The following COL14A1 variants were observed in gnomAD, a reference collection of about 807,000 sequenced individuals.
COL14A1 encodes the protein collagen alpha-1(XIV) chain.
Under a neutral mutation model 230.3 loss-of-function variants are expected in COL14A1, and 136 were observed. That is an observed-to-expected ratio of 0.59 (90% CI 0.51 to 0.68). The LOEUF is 0.68. Among genes scored for constraint, COL14A1 ranks in the 30% least tolerant of loss-of-function variants. The probability of loss-of-function intolerance (pLI) is 0.00; values close to 1 mark genes in which losing one functional copy is unlikely to be tolerated. For synonymous variants in COL14A1, 792 were observed against 784.1 expected (o/e 1.01, Z -0.17); for missense variants, 1,976 against 2,215.8 (o/e 0.89, Z 2.17).
At chr8:120,353,889 GGGTATATACCCAAA>G (rs1822869807) in intron 45 of COL14A1, among the ~76,000 whole-genome samples, 1 of 151,318 alleles carries the variant, frequency 6.6e-6, no homozygotes, top group Non-Finnish European at 1.5e-5. Context: ...TCCCATTACT[GGGTATATACCCAAA>G]GGACTATAAA....
intron 22 of COL14A1, 56 bp from the exon 23 acceptor site, chr8:120,255,184 G>A: frequency 7.3e-7 from 1 of 1,367,068 alleles, no homozygotes; most frequent in Non-Finnish European, 1.0e-6. Flanking sequence ...TTCAGATTCA[G>A]GGATGCTTGT....
intron 2 of COL14A1, among the ~76,000 whole-genome samples, chr8:120,152,107 CTGTT>C (rs1324282719): frequency 2.0e-5 from 3 of 152,102 alleles, no homozygotes; most frequent in African/African-American, 7.2e-5. Context: ...TAGTACATGT[CTGTT>C]GTTTTAAGCC....
chr8:120,229,035 GGAT>G (rs1046251730), intron 18 of COL14A1, among the ~76,000 whole-genome samples: 4 of 151,124 alleles, frequency 2.6e-5, no homozygotes, highest in African/African-American at 9.7e-5. Flanking sequence ...ACCTTACCTG[GGAT>G]GTTAACGTAG....
intron 40 of COL14A1, among the ~76,000 whole-genome samples, chr8:120,327,321 C>A (rs971199807): frequency 3.0e-4 from 46 of 152,254 alleles, no homozygotes; most frequent in African/African-American, 9.9e-4. Flanking sequence ...CAACGACTAA[C>A]TGATTTGGTT....
At chr8:120,232,880 C>T (rs1818320636) in intron 19 of COL14A1, among the ~76,000 whole-genome samples, 4 of 152,152 alleles carry the variant, frequency 2.6e-5, no homozygotes, top group Admixed American at 2.6e-4. Context: ...ACAGTCTCAC[C>T]AACAGTGTAA....
At chr8:120,289,443 C>A (rs1166227532) in intron 33 of COL14A1, among the ~76,000 whole-genome samples, 165 bp from the exon 34 acceptor site, 1 of 152,082 alleles carries the variant, frequency 6.6e-6, no homozygotes, top group Non-Finnish European at 1.5e-5. Context: ...ATGGGAAAAT[C>A]ATGGAGATGA....
chr8:120,238,405 T>C (rs1269636362), intron 19 of COL14A1, among the ~76,000 whole-genome samples: 1 of 152,176 alleles, frequency 6.6e-6, no homozygotes, highest in East Asian at 1.9e-4. Flanking sequence ...TTGTTTACAC[T>C]GTGAGGGGAA....
chr8:120,278,156 C>T lies in COL14A1; in HGVS notation c.3259C>T (p.Leu1087=), dbSNP rs1212191081. The part of the protein sequence containing the change: ...FTDDPRTEFK[L]NAYKTKETLL... Reference sequence around the variant, plus strand: ...TGATGATCCCAGAACAGAATTTAAACTAAATGCTTACAAAACCAAAGAGAC... The same window carrying T: ...TGATGATCCCAGAACAGAATTTAAATTAAATGCTTACAAAACCAAAGAGAC... Residue 1087 remains leucine (L), a synonymous_variant, in exon 27 of 48, where the codon CTA becomes TTA. Coordinates refer to ENST00000297848, the MANE Select transcript of COL14A1 (RefSeq NM_021110.4). 21 of 1,611,628 alleles carry T rather than the reference C, an allele frequency of 1.3e-5. No individual in the cohort carries two copies. The highest frequency in any genetic ancestry group is 1.8e-5 in the Non-Finnish European group (21 of 1,178,826).
At chr8:120,144,244 C>T (rs1431536492) in intron 1 of COL14A1, among the ~76,000 whole-genome samples, 12 of 151,934 alleles carry the variant, frequency 7.9e-5, no homozygotes, top group South Asian at 2.1e-4. Flanking sequence ...TCATTATTAA[C>T]GGAATCTTAT....
Position 120,147,907 on chromosome 8 carries a change from T to G in COL14A1, c.65T>G (p.Phe22Cys). The G allele has an allele frequency of 3.7e-6, 6 of 1,613,850 alleles. No individual in the cohort carries two copies. The highest frequency in any genetic ancestry group is 4.2e-6 in the Non-Finnish European group (5 of 1,179,774). ...CCACCTTTTTTGGCAATTGTTTATT[T>G]CTGCACCATTGTCCAAGGTCAAGGT... is the stretch of plus-strand genomic sequence containing the variant. ...LLPPFLAIVY[F>C]CTIVQGQVAP... Residue 22 changes from phenylalanine to cysteine, a missense_variant, in exon 2 of 48, where the codon TTC (phenylalanine) becomes TGC (cysteine). Around this residue, in one of 3 missense-constraint regions of COL14A1, gnomAD observed 181 missense variants for 178.6 expected, o/e 1.01. Coordinates refer to ENST00000297848, the MANE Select transcript of COL14A1 (RefSeq NM_021110.4).
intron 26 of COL14A1, among the ~76,000 whole-genome samples, chr8:120,272,358 T>C (rs1432151876): frequency 6.6e-6 from 1 of 151,622 alleles, no homozygotes; most frequent in African/African-American, 2.4e-5. Context: ...AGCATAAAAC[T>C]CATAGGGCCT....
intron 19 of COL14A1, among the ~76,000 whole-genome samples, chr8:120,239,803 G>A (rs1818558259): frequency 1.3e-5 from 2 of 150,596 alleles, no homozygotes; most frequent in South Asian, 4.2e-4. Flanking sequence ...CAAGGTGAGA[G>A]GCTTTGTTTT....
intron 5 of COL14A1, among the ~76,000 whole-genome samples, chr8:120,192,150 T>C (rs1586752494): frequency 1.3e-5 from 2 of 152,354 alleles, no homozygotes; most frequent in East Asian, 3.9e-4. Context: ...TCAATGGTCT[T>C]TACATTTTGG....
intron 2 of COL14A1, among the ~76,000 whole-genome samples, chr8:120,148,353 G>A (rs1815167284): frequency 6.6e-6 from 1 of 151,852 alleles, no homozygotes; most frequent in African/African-American, 2.4e-5. Flanking sequence ...GGCTGCTCTC[G>A]AACTCCTGAT....
chr8:120,300,645 C>T (rs1015994669), intron 35 of COL14A1, 87 bp from the exon 36 acceptor site: 1 of 982,202 alleles, frequency 1.0e-6, no homozygotes, highest in Admixed American at 2.2e-5. Flanking sequence ...CTAAAAATAT[C>T]TTAAATCAAA....
At chr8:120,210,408 G>A (rs956722662) in intron 12 of COL14A1, among the ~76,000 whole-genome samples, 1 of 152,172 alleles carries the variant, frequency 6.6e-6, no homozygotes, top group Admixed American at 6.5e-5. Context: ...TTTATACTCA[G>A]TATTGCCAAA....
chr8:120,333,767 C>G (rs1192168090), intron 42 of COL14A1, among the ~76,000 whole-genome samples: 1 of 152,190 alleles, frequency 6.6e-6, no homozygotes, highest in Non-Finnish European at 1.5e-5. Flanking sequence ...CTGGCCTTTT[C>G]TAGCTGCTAA....
intron 15 of COL14A1, among the ~76,000 whole-genome samples, chr8:120,226,179 G>A (rs1417581413): frequency 2.6e-5 from 4 of 151,956 alleles, no homozygotes; most frequent in Non-Finnish European, 5.9e-5. Context: ...CAAGTTAAAA[G>A]ATTGAAGTTT....
chr8:120,200,508 A>G (rs1351262351), intron 8 of COL14A1, among the ~76,000 whole-genome samples: 2 of 151,560 alleles, frequency 1.3e-5, no homozygotes, highest in Non-Finnish European at 2.9e-5. Context: ...TAAAAACTAC[A>G]TATTTCAGAG....
Sources: allele counts gnomAD v4.1 joint callset (sites outside exome capture counted in the v4.1 genomes callset), GRCh38; gene constraint gnomAD v4.1.1; regional missense constraint gnomAD v4.1.1; transcripts MANE v1.5; gene names NCBI Gene and HGNC (gene_info 2026-07-23, HGNC 2026-07-21).